MCTP2: variants seen among roughly 807,000 people sequenced by gnomAD.
MCTP2 encodes multiple C2 and transmembrane domain containing 2.
MCTP2 carries 132 observed loss-of-function variants against 111.6 expected under a neutral mutation model. The observed-to-expected ratio is 1.18, with a 90% CI of 1.03 to 1.37. MCTP2 has a LOEUF of 1.37. Among genes scored for constraint, MCTP2 ranks in the 40% most tolerant of loss-of-function variants. The pLI, the probability that MCTP2 is intolerant of heterozygous loss-of-function variation, is 0.00. For missense variants in MCTP2, 1,183 were observed against 1,067.9 expected, an observed-to-expected ratio of 1.11 and a Z score of -1.50; for synonymous variants, 395 against 387.7, an observed-to-expected ratio of 1.02 and a Z score of -0.22.
At chr15:94,404,300 T>A (rs2081777301) in intron 17 of MCTP2, among the ~76,000 whole-genome samples, 1 of 146,038 alleles carries the variant, frequency 6.8e-6, no homozygotes, top group African/African-American at 2.6e-5. Flanking sequence ...TCTTATTTTT[T>A]ATTGTTTTTT....
intron 10 of MCTP2, among the ~76,000 whole-genome samples, chr15:94,363,727 C>G (rs1200002317): frequency 6.6e-6 from 1 of 151,902 alleles, no homozygotes; most frequent in Non-Finnish European, 1.5e-5. Context: ...AGTGGAGCTC[C>G]TATTGATTAC....
In MCTP2 at chr15:94,434,288, G is replaced by A. The variant is rs959041618; in HGVS notation, c.2086-5888G>A. Among the ~76,000 whole-genome samples the A allele has an allele frequency of 4.0e-5, 6 of 151,818 alleles. No homozygotes were observed. In the South Asian group the frequency reaches 8.3e-4, roughly 21 times the overall value. On this transcript the variant is annotated intron_variant, in intron 17 of 22. Transcript: ENST00000357742. ...CAGCTCATTTTTGTGATGTTGCCCA[G>A]GCTGGTCTCAAACTCCTGGCTTCAA...
intron 1 of MCTP2, among the ~76,000 whole-genome samples, chr15:94,281,445 G>T (rs943993799): frequency 2.0e-5 from 3 of 152,104 alleles, no homozygotes; most frequent in Non-Finnish European, 4.4e-5. Context: ...TGAAGCTATA[G>T]ATGTTGTGGC....
chr15:94,309,608 A>G (rs577914363), intron 2 of MCTP2, among the ~76,000 whole-genome samples: 1 of 152,334 alleles, frequency 6.6e-6, no homozygotes, highest in East Asian at 1.9e-4. Flanking sequence ...GAAAATGTTT[A>G]TTCACAACAG....
chr15:94,467,384 T>TTTG (rs2073449895), intron 20 of MCTP2, among the ~76,000 whole-genome samples: 1 of 151,962 alleles, frequency 6.6e-6, no homozygotes, highest in Non-Finnish European at 1.5e-5. Flanking sequence ...TCCTTAGTTA[T>TTTG]TTGTTGTACC....
chr15:94,334,002 A>G (rs566044349), intron 4 of MCTP2, among the ~76,000 whole-genome samples: 2 of 152,344 alleles, frequency 1.3e-5, no homozygotes, highest in African/African-American at 4.8e-5. Context: ...AAGAAATACT[A>G]TAGAAACAAA....
In MCTP2 at chr15:94,435,629, CTTTT is replaced by C. The variant is rs202170550; in HGVS notation, c.2086-4530_2086-4527del. Among the ~76,000 whole-genome samples, 4 of 117,920 alleles carry C rather than the reference CTTTT, an allele frequency of 3.4e-5. 1 individual carries two copies. In the South Asian group the frequency reaches 8.7e-4, roughly 26 times the overall value. The allele number at this position is 117,920 out of a possible 152,430, so 77.4% of individuals were successfully genotyped here. A position where few individuals can be genotyped will look rare whatever the true frequency, so the allele number is the denominator to read the frequency against. The stretch of plus-strand genomic sequence containing the variant: ...CTAAAAAAGTTGTACTTTTTTTATT[CTTTT>C]TTTTTTTTTTTTTTTTGAGACGGAG... On this transcript the variant is annotated intron_variant, in intron 17 of 22. Transcript: ENST00000357742.
At chr15:94,339,516 C>A in intron 5 of MCTP2, 84 bp downstream of exon 5, 1 of 1,119,966 alleles carries the variant, frequency 8.9e-7, no homozygotes, top group Non-Finnish European at 1.2e-6. Context: ...CGTGAACTTG[C>A]CAAAATTAAT....
chr15:94,243,540 T>TATGCACGCACGTATGCAC (rs2071298338), intron 1 of MCTP2, among the ~76,000 whole-genome samples: 1 of 133,974 alleles, frequency 7.5e-6, no homozygotes. Flanking sequence ...TACGTATGCG[T>TATGCACGCACGTATGCAC]GCATACGTAT....
In MCTP2 at chr15:94,339,338, A is replaced by G. The variant is rs771704539; in HGVS notation, c.686A>G (p.Tyr229Cys). Residue 229 changes from tyrosine (Y) to cysteine (C), a missense_variant, in exon 5 of 23, where the codon TAC (tyrosine) becomes TGC (cysteine). Tyr to Cys is a radical substitution (Grantham distance 194). Coordinates refer to ENST00000357742, the MANE Select transcript of MCTP2 (RefSeq NM_001385001.1). ...VKFKLNGKTL[Y>C]KSKVIYKNLN... ...TTTAAGCTGAATGGGAAGACGCTGTACAAAAGTAAAGTCATATATAAGAAC... is the reference window on the plus strand; with the variant it reads ...TTTAAGCTGAATGGGAAGACGCTGTGCAAAAGTAAAGTCATATATAAGAAC... The G allele has an allele frequency of 5.6e-6, 9 of 1,611,880 alleles. No individual in the cohort carries two copies. The South Asian group carries it at 7.7e-5, about 14-fold the overall frequency.
At chr15:94,403,126 T>C (rs1396449882) in intron 17 of MCTP2, 1 of 986,536 alleles carries the variant, frequency 1.0e-6, no homozygotes, top group Non-Finnish European at 1.2e-6. Context: ...TGCTGTCGTT[T>C]ATTTTAGTTC....
At chr15:94,236,736 G>A (rs1596119048) in intron 1 of MCTP2, among the ~76,000 whole-genome samples, 1 of 152,256 alleles carries the variant, frequency 6.6e-6, no homozygotes, top group East Asian at 1.9e-4. Flanking sequence ...GATCCCCATG[G>A]ACCGGAATAG....
intron 4 of MCTP2, among the ~76,000 whole-genome samples, chr15:94,336,803 A>G (rs1011024125): frequency 6.6e-6 from 1 of 152,016 alleles, no homozygotes; most frequent in African/African-American, 2.4e-5. Context: ...GGAATGGAGC[A>G]GGACACTCAG....
chr15:94,379,070 G>GTT (rs947050953), intron 12 of MCTP2, among the ~76,000 whole-genome samples: 1 of 144,270 alleles, frequency 6.9e-6, no homozygotes, highest in African/African-American at 2.5e-5. Context: ...TTTGTTTTTT[G>GTT]TTTTTTTTTT....
intron 1 of MCTP2, among the ~76,000 whole-genome samples, chr15:94,276,044 C>T (rs1441670008): frequency 1.3e-5 from 2 of 151,912 alleles, no homozygotes; most frequent in Admixed American, 1.3e-4. Context: ...TGGGATTTCA[C>T]CGTGTTAGCC....
intron 8 of MCTP2, 149 bp from the exon 9 acceptor site, chr15:94,355,988 T>G: frequency 7.6e-7 from 1 of 1,319,612 alleles, no homozygotes; most frequent in Non-Finnish European, 9.7e-7. Context: ...GACAGCAGGT[T>G]TGCAAAACCA....
intron 1 of MCTP2, among the ~76,000 whole-genome samples, chr15:94,265,194 A>T (rs534517144): frequency 6.6e-6 from 1 of 152,166 alleles, no homozygotes; most frequent in Non-Finnish European, 1.5e-5. Flanking sequence ...GCTTTTGATG[A>T]TGGGATTGCC....
At chr15:94,442,724 T>C (rs1285567968) in intron 18 of MCTP2, among the ~76,000 whole-genome samples, 195 bp from the exon 19 acceptor site, 1 of 152,240 alleles carries the variant, frequency 6.6e-6, no homozygotes, top group Non-Finnish European at 1.5e-5. Context: ...TGGTTTTATG[T>C]AGATTATGCA....
At chr15:94,342,213 A>C (rs113051400) in intron 7 of MCTP2, 2 of 152,158 alleles carry the variant, frequency 1.3e-5, no homozygotes, top group Non-Finnish European at 2.9e-5. Context: ...TTTCTATAGC[A>C]TATTAGATTA....
Sources: gnomAD v4.1 joint callset for allele counts (sites outside exome capture counted in the v4.1 genomes callset) on GRCh38, gnomAD v4.1.1 for gene constraint, MANE v1.5 for transcripts, NCBI Gene and HGNC (gene_info 2026-07-23, HGNC 2026-07-21) for gene names.